PCNX1: variants seen among roughly 807,000 people sequenced by gnomAD.
PCNX1 encodes the protein pecanex 1.
In PCNX1, 78 loss-of-function variants were observed where a neutral mutation model predicts 242.2. That is an observed-to-expected ratio of 0.32 (90% CI 0.27 to 0.39). The LOEUF is 0.39. Ranked by LOEUF, PCNX1 falls within the 10% of genes least tolerant of loss-of-function variation. PCNX1 has a pLI of 1.00. For synonymous variants in PCNX1, 1,024 were observed against 1,032.9 expected (o/e 0.99, Z 0.17); for missense variants, 2,581 against 2,856.5 (o/e 0.90, Z 2.20).
chr14:71,009,717 A>C lies in PCNX1; in HGVS notation c.2713A>C (p.Asn905His). The change falls in exon 9 of 36, where the codon AAT (asparagine) becomes CAT (histidine). Residue 905 changes from asparagine to histidine, a missense_variant. This residue lies in a region of PCNX1 where 1,204 missense variants were observed against 1,216.7 expected (regional missense o/e 0.99). Coordinates refer to ENST00000304743, the MANE Select transcript of PCNX1 (RefSeq NM_014982.3). ...TGAACCAGCAGCAAGAAGAGCATCCAATATCTGGTATGTGTGAAGTCATAT... is the reference window on the plus strand; with the variant it reads ...TGAACCAGCAGCAAGAAGAGCATCCCATATCTGGTATGTGTGAAGTCATAT... ...NFEPAARRAS[N>H]ICDTDSHVSS... 1 of 1,584,506 alleles carries C rather than the reference A, an allele frequency of 6.3e-7. No individual in the cohort carries two copies. Among genetic ancestry groups the C allele is most frequent in the South Asian group, 1.1e-5 (1 of 89,108 alleles).
intron 33 of PCNX1, among the ~76,000 whole-genome samples, chr14:71,106,101 C>T (rs1463829607): frequency 1.3e-5 from 2 of 151,940 alleles, no homozygotes; most frequent in Non-Finnish European, 2.9e-5. Flanking sequence ...GCAAGCTCTG[C>T]CTCCTGGGTT....
intron 27 of PCNX1, among the ~76,000 whole-genome samples, chr14:71,075,201 C>T (rs527344280): frequency 5.3e-5 from 8 of 151,974 alleles, no homozygotes; most frequent in African/African-American, 1.9e-4. Flanking sequence ...CACTGTGTTG[C>T]CCAGGCTCTC....
chr14:71,095,410 G>A (rs1194814335), intron 30 of PCNX1, among the ~76,000 whole-genome samples: 1 of 152,090 alleles, frequency 6.6e-6, no homozygotes, highest in Non-Finnish European at 1.5e-5. Context: ...TCTGCTTGTA[G>A]CATCTCAAGT....
chr14:70,947,632 G>A (rs1050838898), intron 2 of PCNX1, among the ~76,000 whole-genome samples: 10 of 152,024 alleles, frequency 6.6e-5, no homozygotes, highest in South Asian at 2.1e-4. Context: ...GATGTATCTC[G>A]TCTCAGGATC....
In PCNX1 at chr14:70,907,745, A is replaced by C. The variant is rs2055620674; in HGVS notation, c.-106A>C. The C allele has an allele frequency of 1.7e-6, 2 of 1,148,806 alleles. No homozygotes were observed. The highest frequency in any genetic ancestry group is 4.3e-5 in the South Asian group (1 of 23,446). 71.2% of individuals were successfully genotyped at this position (1,148,806 alleles called of 1,614,324 possible). On this transcript the variant is annotated 5_prime_UTR_variant, in exon 1 of 36. Coordinates refer to ENST00000304743, the MANE Select transcript of PCNX1 (RefSeq NM_014982.3). ...CCGGCTCGCTCACCCGGAGCTCCGG[A>C]GGTGGATAGACGGGGCAGCTGCAGG... is the stretch of plus-strand genomic sequence containing the variant.
intron 13 of PCNX1, among the ~76,000 whole-genome samples, chr14:71,024,970 A>G (rs1472354734): frequency 6.6e-6 from 1 of 152,170 alleles, no homozygotes; most frequent in Non-Finnish European, 1.5e-5. Flanking sequence ...TAAATACCTC[A>G]TAGAGAGATA....
intron 1 of PCNX1, among the ~76,000 whole-genome samples, chr14:70,944,209 A>G (rs1379464117): frequency 6.6e-6 from 1 of 151,994 alleles, no homozygotes; most frequent in Non-Finnish European, 1.5e-5. Context: ...TGCCTAGAAA[A>G]GCCACAGACA....
At chr14:71,022,594 G>A (rs1180448000) in intron 12 of PCNX1, among the ~76,000 whole-genome samples, 1 of 152,044 alleles carries the variant, frequency 6.6e-6, no homozygotes, top group Non-Finnish European at 1.5e-5. Flanking sequence ...CTGAAACTTG[G>A]GAGAAAAGTC....
intron 6 of PCNX1, among the ~76,000 whole-genome samples, chr14:70,982,503 T>G (rs1484943181): frequency 6.6e-6 from 1 of 152,212 alleles, no homozygotes; most frequent in Non-Finnish European, 1.5e-5. Context: ...AATACTGTAT[T>G]AAAGTATAAT....
Position 71,112,775 on chromosome 14 carries a change from TA to T in PCNX1, c.*2844del, listed in dbSNP as rs1377014712. 2.0e-5 allele frequency: 3 copies of T among 152,168 alleles called. No individual in the cohort carries two copies. The highest frequency in any genetic ancestry group is 4.8e-5 in the African/African-American group (2 of 41,448). The allele number at this position is 152,168 out of a possible 1,614,324, so 9.4% of individuals were successfully genotyped here. A position where few individuals can be genotyped will look rare whatever the true frequency, so the allele number is the denominator to read the frequency against. The stretch of plus-strand genomic sequence containing the variant: ...TAATTTGAAAGTTAAAAGATGTAAC[TA>T]AAATACTAGCTTTTTTATTCATTTC... On this transcript the variant is annotated 3_prime_UTR_variant, in exon 36 of 36. Transcript: ENST00000304743.
At chr14:70,968,871 G>A in intron 4 of PCNX1, 150 bp from the exon 5 acceptor site, 2 of 553,762 alleles carry the variant, frequency 3.6e-6, no homozygotes, top group South Asian at 2.5e-5. Flanking sequence ...CTAGTTCAGT[G>A]CATCTTCCAT....
At chr14:70,961,476 A>C (rs1020412761) in intron 2 of PCNX1, among the ~76,000 whole-genome samples, 2 of 152,252 alleles carry the variant, frequency 1.3e-5, no homozygotes, top group African/African-American at 4.8e-5. Context: ...TAGAAAGCTG[A>C]AACTGGATCA....
At chr14:70,997,737 T>C (rs2059393830) in intron 8 of PCNX1, among the ~76,000 whole-genome samples, 1 of 152,176 alleles carries the variant, frequency 6.6e-6, no homozygotes, top group Non-Finnish European at 1.5e-5. Context: ...CCTGTTCCAA[T>C]GCCTATAAAG....
intron 20 of PCNX1, among the ~76,000 whole-genome samples, chr14:71,045,657 T>TA (rs1202023362): frequency 6.6e-6 from 1 of 152,196 alleles, no homozygotes; most frequent in African/African-American, 2.4e-5. Context: ...AAGGCCTCTC[T>TA]ATTTGAAATA....
At chr14:70,944,943 T>C (rs1173151304) in intron 1 of PCNX1, among the ~76,000 whole-genome samples, 4 of 152,246 alleles carry the variant, frequency 2.6e-5, no homozygotes, top group Non-Finnish European at 4.4e-5. Context: ...TCCTCAGCCA[T>C]GTGGAACTGT....
At chr14:70,988,947 G>T (rs1308162485) in intron 7 of PCNX1, among the ~76,000 whole-genome samples, 1 of 151,294 alleles carries the variant, frequency 6.6e-6, no homozygotes, top group Non-Finnish European at 1.5e-5. Context: ...TCACTTGAGG[G>T]CAGTTACAGG....
intron 26 of PCNX1, among the ~76,000 whole-genome samples, chr14:71,071,089 A>C (rs537321743): frequency 6.6e-6 from 1 of 152,168 alleles, no homozygotes; most frequent in African/African-American, 2.4e-5. Context: ...CCCAATCTCT[A>C]CTAGCTTCCA....
chr14:70,998,784 A>G (rs2059425735), intron 8 of PCNX1, among the ~76,000 whole-genome samples: 1 of 150,786 alleles, frequency 6.6e-6, no homozygotes, highest in South Asian at 2.1e-4. Flanking sequence ...AAAAACTGAC[A>G]TAGTTTTCTT....
intron 22 of PCNX1, chr14:71,048,974 T>G: frequency 6.1e-6 from 5 of 817,414 alleles, no homozygotes; most frequent in Non-Finnish European, 7.4e-6. Context: ...TTTTTATCAT[T>G]TATTTCCTCT....
Sources: gnomAD v4.1 joint callset for allele counts (sites outside exome capture counted in the v4.1 genomes callset) on GRCh38, gnomAD v4.1.1 for gene constraint, gnomAD v4.1.1 regional missense constraint, MANE v1.5 for transcripts, NCBI Gene and HGNC (gene_info 2026-07-23, HGNC 2026-07-21) for gene names.